EPM2A: variants seen among roughly 807,000 people sequenced by gnomAD.
EPM2A encodes the protein EPM2A glucan phosphatase, laforin.
EPM2A carries 21 observed loss-of-function variants against 26.5 expected under a neutral mutation model. That is an observed-to-expected ratio of 0.79 (90% CI 0.56 to 1.14). The LOEUF is 1.14. EPM2A is among the 50% of genes most tolerant of loss of function. The pLI is 0.00. For missense variants in EPM2A, 458 were observed against 440.8 expected, an observed-to-expected ratio of 1.04 and a Z score of -0.35; for synonymous variants, 217 against 177.6, an observed-to-expected ratio of 1.22 and a Z score of -1.76.
chr6:145,694,915 T>G (rs1781485580), intron 1 of EPM2A, among the ~76,000 whole-genome samples: 1 of 152,002 alleles, frequency 6.6e-6, no homozygotes, highest in Non-Finnish European at 1.5e-5. Flanking sequence ...TGGGAATTAT[T>G]AAAGTGAGTT....
At chr6:145,735,524 C>G (rs974000102), upstream of EPM2A, 1 of 1,174,642 alleles carries the variant, frequency 8.5e-7, no homozygotes, top group Admixed American at 4.6e-5. Context: ...CGCGAATACC[C>G]GGGCCCGGAG....
chr6:145,495,166 T>C (rs559726743), intron 4 of EPM2A, among the ~76,000 whole-genome samples: 1 of 152,356 alleles, frequency 6.6e-6, no homozygotes, highest in East Asian at 1.9e-4. Context: ...ATCTGGATGC[T>C]CCTGTGTTGG....
intron 2 of EPM2A, among the ~76,000 whole-genome samples, chr6:145,586,535 T>C (rs1204923174): frequency 6.6e-6 from 1 of 152,194 alleles, no homozygotes; most frequent in African/African-American, 2.4e-5. Context: ...TTCTGTATCA[T>C]TGAATCTATA....
intron 1 of EPM2A, among the ~76,000 whole-genome samples, chr6:145,708,626 T>C (rs1477780722): frequency 1.3e-5 from 2 of 152,124 alleles, no homozygotes; most frequent in East Asian, 1.9e-4. Flanking sequence ...TTTCAGAGGA[T>C]GTATGAAAAG....
rs144147373 is a variant in EPM2A at position 145,615,597 on chromosome 6, C to G, written c.340+19648G>C. ...AGGGGCTGGAACAGTTTGGAGGGCT[C>G]AGAAGAAGACAGGAAAATGTGGGAA... On this transcript the variant is annotated intron_variant, in intron 2 of 3. Coordinates refer to the EPM2A transcript ENST00000450221. Among the ~76,000 whole-genome samples, 371 of 152,052 alleles carry G rather than the reference C, an allele frequency of 2.4e-3. 4 individuals carry two copies. Among genetic ancestry groups the G allele is most frequent in the African/African-American group, 8.4e-3 (348 of 41,452 alleles).
intron 1 of EPM2A, among the ~76,000 whole-genome samples, chr6:145,703,093 C>CTTTTT (rs1293584320): frequency 3.4e-5 from 3 of 88,780 alleles, no homozygotes; most frequent in African/African-American, 4.9e-5. Flanking sequence ...AAACATGTTT[C>CTTTTT]TTTTTTTTTT....
intron 1 of EPM2A, chr6:145,734,511 C>A (rs1451166987): frequency 6.6e-6 from 1 of 151,764 alleles, no homozygotes; most frequent in Non-Finnish European, 1.5e-5. Context: ...GAAATCAGGT[C>A]ATGTCTCAAT....
chr6:145,425,120 TC>T (rs1778837138), intron 4 of EPM2A, among the ~76,000 whole-genome samples: 1 of 118,668 alleles, frequency 8.4e-6, no homozygotes, highest in Non-Finnish European at 1.7e-5. Flanking sequence ...AAGTCTCCCT[TC>T]CTTCCTTCCT....
At chr6:145,425,674 C>A (rs1341226276) in intron 4 of EPM2A, among the ~76,000 whole-genome samples, 1 of 149,862 alleles carries the variant, frequency 6.7e-6, no homozygotes, top group African/African-American at 2.5e-5. Flanking sequence ...TCAAATATTG[C>A]ATTTGTCATT....
At chr6:145,682,143 C>T (rs560844192) in intron 2 of EPM2A, among the ~76,000 whole-genome samples, 12 of 152,192 alleles carry the variant, frequency 7.9e-5, no homozygotes, top group East Asian at 1.9e-4. Flanking sequence ...CTCACAATCA[C>T]GGTTGAAGGC....
chr6:145,428,463 A>G (rs1778880651), intron 4 of EPM2A, among the ~76,000 whole-genome samples: 1 of 152,202 alleles, frequency 6.6e-6, no homozygotes, highest in South Asian at 2.1e-4. Context: ...TGTTTTGAAC[A>G]GCATTGAACA....
intron 1 of EPM2A, among the ~76,000 whole-genome samples, chr6:145,715,969 C>A (rs2092262): frequency 6.6e-6 from 1 of 151,846 alleles, no homozygotes; most frequent in Non-Finnish European, 1.5e-5. Context: ...CACAACCATC[C>A]CCACCTCCCC....
chr6:145,393,843 A>C (rs1778370029), intron 4 of EPM2A, among the ~76,000 whole-genome samples: 1 of 145,234 alleles, frequency 6.9e-6, no homozygotes, highest in Non-Finnish European at 1.5e-5. Context: ...TTTTTTTTTG[A>C]GACAGAGTCT....
At chr6:145,707,910 G>C (rs1782314757) in intron 1 of EPM2A, among the ~76,000 whole-genome samples, 1 of 152,186 alleles carries the variant, frequency 6.6e-6, no homozygotes, top group South Asian at 2.1e-4. Flanking sequence ...AAGACAGGAA[G>C]ATGTGGGAAA....
intron 4 of EPM2A, among the ~76,000 whole-genome samples, chr6:145,402,869 ACTTT>A (rs973842987): frequency 2.6e-5 from 4 of 152,176 alleles, no homozygotes; most frequent in Non-Finnish European, 5.9e-5. Context: ...TGTCTGAGTT[ACTTT>A]CTATGTAATA....
intron 2 of EPM2A, among the ~76,000 whole-genome samples, chr6:145,618,224 T>C (rs540776408): frequency 2.2e-4 from 34 of 152,192 alleles, no homozygotes; most frequent in Admixed American, 4.6e-4. Flanking sequence ...TCACCAGATA[T>C]AGATAGGAGG....
intron 4 of EPM2A, among the ~76,000 whole-genome samples, chr6:145,454,261 A>C (rs2114711211): frequency 6.6e-6 from 1 of 152,316 alleles, no homozygotes; most frequent in East Asian, 1.9e-4. Context: ...AAAATATTTT[A>C]AAATGTGTAT....
chr6:145,636,083 T>C (rs1776660127), intron 2 of EPM2A: 2 of 152,376 alleles, frequency 1.3e-5, no homozygotes, highest in African/African-American at 4.8e-5. Flanking sequence ...AATAGCAATA[T>C]AGTTTCCTTT....
At position 145,591,173 on chromosome 6, in the gene EPM2A, G is replaced by C. The variant is rs556970488; in HGVS notation, c.340+44072C>G. Among the ~76,000 whole-genome samples the C allele has an allele frequency of 4.0e-5, 6 of 151,568 alleles. No homozygotes were observed. In the South Asian group the frequency reaches 6.2e-4, roughly 16 times the overall value. On this transcript the variant is annotated intron_variant, in intron 2 of 3. Transcript: ENST00000450221. The stretch of plus-strand genomic sequence containing the variant: ...CTGAACTGAAATGCAAAGATTAAAA[G>C]AATAAAAAAAGAATAAGATGTCAAG...
Sources: allele counts gnomAD v4.1 joint callset (sites outside exome capture counted in the v4.1 genomes callset), GRCh38; gene constraint gnomAD v4.1.1; transcripts MANE v1.5; gene names NCBI Gene and HGNC (gene_info 2026-07-23, HGNC 2026-07-21).